Variants in MYRFL observed in about 807,000 individuals in gnomAD.
The protein encoded by MYRFL is myelin regulatory factor like.
A neutral mutation model predicts 109.4 loss-of-function variants in MYRFL; 88 were observed. The ratio of observed to expected loss-of-function variants is 0.80; its 90% CI spans 0.68 to 0.96. MYRFL has a LOEUF of 0.96. MYRFL is among the 40% of genes least tolerant of loss of function. The probability of loss-of-function intolerance (pLI) is 0.00; values close to 1 mark genes in which losing one functional copy is unlikely to be tolerated. For synonymous variants in MYRFL, 324 were observed against 320.9 expected (o/e 1.01, Z -0.10); for missense variants, 957 against 954.9 (o/e 1.00, Z -0.03).
In MYRFL at chr12:69,903,583, A is replaced by G. The variant is rs1427785377; in HGVS notation, c.1183-61A>G. The G allele has an allele frequency of 4.7e-6, 7 of 1,484,534 alleles. No individual in the cohort carries two copies. The African/African-American group carries it at 8.3e-5, about 18-fold the overall frequency. The allele number at this position is 1,484,534 out of a possible 1,614,324, so 92.0% of individuals were successfully genotyped here. On this transcript the variant is annotated intron_variant, in intron 10 of 24. Coordinates refer to ENST00000552032, the MANE Select transcript of MYRFL (RefSeq NM_182530.3). ...CAGTTTGCCTTTGCTCTGAACACTA[A>G]TGTGATCATCTATTCCTGCTACTGT...
intron 1 of MYRFL, among the ~76,000 whole-genome samples, chr12:69,842,084 T>G: frequency 6.6e-6 from 1 of 152,190 alleles, no homozygotes; most frequent in East Asian, 1.9e-4. Flanking sequence ...AATCCTTAAC[T>G]ACTATTGCTT....
At chr12:69,870,556 G>A (rs954834477) in intron 2 of MYRFL, among the ~76,000 whole-genome samples, 20 of 152,160 alleles carry the variant, frequency 1.3e-4, no homozygotes, top group Non-Finnish European at 2.6e-4. Flanking sequence ...GGGCTAAGAA[G>A]TGAAGAAAAA....
At chr12:69,886,799 G>C (rs2136336022) in intron 5 of MYRFL, 21 bp from the exon 6 acceptor site, 1 of 1,535,378 alleles carries the variant, frequency 6.5e-7, no homozygotes, top group African/African-American at 1.4e-5. Flanking sequence ...GGAAGGCTCT[G>C]ACGCACCTGT....
At chr12:69,904,890 A>G (rs535415015) in intron 11 of MYRFL, among the ~76,000 whole-genome samples, 3 of 152,178 alleles carry the variant, frequency 2.0e-5, no homozygotes, top group Admixed American at 2.0e-4. Flanking sequence ...TCCAGACTGC[A>G]TTCCTTTCTC....
chr12:69,860,359 T>A lies in MYRFL; in HGVS notation c.137+4989T>A, dbSNP rs1344608465. 2.0e-5 allele frequency among the ~76,000 whole-genome samples: 3 copies of A among 152,320 alleles called. No individual in the cohort carries two copies. The East Asian group carries it at 5.8e-4, about 29-fold the overall frequency. On this transcript the variant is annotated intron_variant, in intron 2 of 24. Transcript: ENST00000552032. The stretch of plus-strand genomic sequence containing the variant: ...TTATCCATTCTATCATTGATGGACA[T>A]TTAGGTTGATTCCATGTTTTTGCTA...
rs568202988 is a variant in MYRFL at position 69,948,507 on chromosome 12, A to G, written c.2225-3606A>G. ...TCAGCAGGCAAGTAGGACAAAAGGT[A>G]GGAGAAGAAAACACACAGGATAGAG... On this transcript the variant is annotated intron_variant, in intron 19 of 24. Coordinates refer to ENST00000552032, the MANE Select transcript of MYRFL (RefSeq NM_182530.3). 6.6e-5 allele frequency among the ~76,000 whole-genome samples: 10 copies of G among 152,344 alleles called. No individual in the cohort carries two copies. In the South Asian group the frequency reaches 8.3e-4, roughly 13 times the overall value.
intron 13 of MYRFL, among the ~76,000 whole-genome samples, chr12:69,918,879 A>G (rs1035668405): frequency 6.6e-6 from 1 of 152,218 alleles, no homozygotes; most frequent in Non-Finnish European, 1.5e-5. Context: ...AAATGAATAT[A>G]CCAAGTCTAT....
intron 5 of MYRFL, among the ~76,000 whole-genome samples, chr12:69,883,653 A>G (rs1886264770): frequency 6.6e-6 from 1 of 151,428 alleles, no homozygotes. Flanking sequence ...GCTTGAGCCC[A>G]GAAGTATGAG....
At chr12:69,944,687 TAAAAG>T (rs1445231323) in intron 19 of MYRFL, among the ~76,000 whole-genome samples, 2 of 149,352 alleles carry the variant, frequency 1.3e-5, no homozygotes, top group East Asian at 3.9e-4. Flanking sequence ...AGTATAATAA[TAAAAG>T]AAAAAAAAAG....
chr12:69,857,415 C>G (rs778381559), intron 2 of MYRFL, among the ~76,000 whole-genome samples: 1 of 151,766 alleles, frequency 6.6e-6, no homozygotes, highest in Non-Finnish European at 1.5e-5. Flanking sequence ...ATTAGCTTGT[C>G]AATATTTAAA....
At position 69,938,050 on chromosome 12, in the gene MYRFL, C is replaced by T. The variant is rs541594253; in HGVS notation, c.2224+1418C>T. Among the ~76,000 whole-genome samples the T allele has an allele frequency of 3.3e-5, 5 of 152,252 alleles. No individual in the cohort carries two copies. The South Asian group carries it at 1.0e-3, about 32-fold the overall frequency. On this transcript the variant is annotated intron_variant, in intron 19 of 24. Coordinates refer to ENST00000552032, the MANE Select transcript of MYRFL (RefSeq NM_182530.3). ...CACTACAGCAATAGGAGACAATGAG[C>T]TTTTCTCATGAAAACTATTTTTGAT... is the stretch of plus-strand genomic sequence containing the variant.
chr12:69,873,366 C>T (rs772881970), intron 2 of MYRFL, among the ~76,000 whole-genome samples: 2 of 152,166 alleles, frequency 1.3e-5, no homozygotes, highest in Non-Finnish European at 1.5e-5. Context: ...GACAAGCTTG[C>T]AGTAGATTCT....
chr12:69,878,686 T>C (rs931216569), intron 2 of MYRFL, among the ~76,000 whole-genome samples: 9 of 152,234 alleles, frequency 5.9e-5, no homozygotes, highest in African/African-American at 2.2e-4. Context: ...GGGCTTTATA[T>C]ACATGATCTC....
chr12:69,922,813 A>C (rs552532395), intron 13 of MYRFL, among the ~76,000 whole-genome samples: 3 of 152,332 alleles, frequency 2.0e-5, no homozygotes, highest in African/African-American at 7.2e-5. Context: ...AAACAAATAC[A>C]TGCAATAGTT....
chr12:69,958,260 C>T lies in MYRFL; in HGVS notation c.2583C>T (p.His861=), dbSNP rs944094751. The change falls in exon 24 of 25, where the codon CAC becomes CAT. Residue 861 remains histidine (H), a synonymous_variant. Coordinates refer to ENST00000552032, the MANE Select transcript of MYRFL (RefSeq NM_182530.3). The stretch of plus-strand genomic sequence containing the variant: ...TATTCACTATTTAGGGATATCAGCA[C>T]ATTTGGAGCCTCCCTGTAGCCCCAT... ...ISQEMTQGYQ[H]IWSLPVAPFS... 6 of 1,536,216 alleles carry T rather than the reference C, an allele frequency of 3.9e-6. No homozygotes were observed. The highest frequency in any genetic ancestry group is 5.2e-6 in the Non-Finnish European group (6 of 1,146,742).
At chr12:69,874,820 T>C (rs960997895) in intron 2 of MYRFL, among the ~76,000 whole-genome samples, 3 of 152,106 alleles carry the variant, frequency 2.0e-5, no homozygotes, top group African/African-American at 7.2e-5. Flanking sequence ...ATTATTTGAA[T>C]CACTATGACC....
chr12:69,904,039 G>T, intron 11 of MYRFL, 195 bp downstream of exon 11: 1 of 500,494 alleles, frequency 2.0e-6, no homozygotes, highest in Non-Finnish European at 3.4e-6. Flanking sequence ...TCCTCCCTGA[G>T]AGAATGGATT....
intron 1 of MYRFL, among the ~76,000 whole-genome samples, chr12:69,843,945 T>C (rs944771996): frequency 1.3e-5 from 2 of 152,130 alleles, no homozygotes; most frequent in African/African-American, 4.8e-5. Context: ...GCCTCCCTGA[T>C]GGGGGATAGG....
Position 69,958,303 on chromosome 12 carries a change from C to T in MYRFL, c.2626C>T (p.His876Tyr), listed in dbSNP as rs1413973994. 2.6e-6 allele frequency: 4 copies of T among 1,536,380 alleles called. No homozygotes were observed. Among genetic ancestry groups the T allele is most frequent in the South Asian group, 2.4e-5 (2 of 84,056 alleles). Reference protein sequence around the residue: ...PVAPFSDSMFHFRVAAPDLAD... With the variant: ...PVAPFSDSMFYFRVAAPDLAD... ...AGCCCCATTTTCTGACAGCATGTTC[C>T]ATTTCCGTGTAGCTGCACCGGTAAG... Residue 876 changes from histidine (H) to tyrosine (Y), a missense_variant, in exon 24 of 25, where the codon CAT becomes TAT. His to Tyr is a moderately conservative substitution (Grantham distance 83). Coordinates refer to ENST00000552032, the MANE Select transcript of MYRFL (RefSeq NM_182530.3).
Sources: allele counts gnomAD v4.1 joint callset (sites outside exome capture counted in the v4.1 genomes callset), GRCh38; gene constraint gnomAD v4.1.1; transcripts MANE v1.5; gene names NCBI Gene and HGNC (gene_info 2026-07-23, HGNC 2026-07-21).